Variants in DENND2A observed in about 807,000 individuals in gnomAD.
DENND2A encodes DENN domain-containing protein 2A.
In DENND2A, 53 loss-of-function variants were observed where a neutral mutation model predicts 105.3. The ratio of observed to expected loss-of-function variants is 0.50; its 90% CI spans 0.40 to 0.63. DENND2A has a LOEUF of 0.63. Among genes scored for constraint, DENND2A ranks in the 30% least tolerant of loss-of-function variants. The pLI, the probability that DENND2A is intolerant of heterozygous loss-of-function variation, is 0.00. For missense variants in DENND2A, 1,138 were observed against 1,279.6 expected (o/e 0.89, Z 1.69); for synonymous variants, 522 against 508.4 (o/e 1.03, Z -0.36).
At chr7:140,549,807 G>A (rs947203904) in intron 12 of DENND2A, among the ~76,000 whole-genome samples, 13 of 152,034 alleles carry the variant, frequency 8.6e-5, no homozygotes, top group Non-Finnish European at 1.9e-4. Flanking sequence ...TATGTTCCTA[G>A]CAGAATAATT....
intron 6 of DENND2A, among the ~76,000 whole-genome samples, chr7:140,572,699 A>G (rs970549597): frequency 1.7e-4 from 25 of 149,194 alleles, no homozygotes; most frequent in Non-Finnish European, 8.9e-5. Flanking sequence ...AGTTGCAGTA[A>G]GCCGAGATCA....
chr7:140,565,270 C>T (rs976567750), intron 9 of DENND2A, among the ~76,000 whole-genome samples: 21 of 151,830 alleles, frequency 1.4e-4, no homozygotes, highest in Non-Finnish European at 2.6e-4. Flanking sequence ...TCTGCCCTCC[C>T]TGAGGCATGA....
At chr7:140,521,483 T>C (rs1795858580) in intron 18 of DENND2A, among the ~76,000 whole-genome samples, 1 of 151,116 alleles carries the variant, frequency 6.6e-6, no homozygotes, top group Non-Finnish European at 1.5e-5. Context: ...CACCATGTTG[T>C]CCAGGCTGGT....
At chr7:140,568,647 G>A (rs930835191) in intron 8 of DENND2A, 116 bp downstream of exon 8, 14 of 1,065,892 alleles carry the variant, frequency 1.3e-5, no homozygotes, top group East Asian at 2.4e-5. Flanking sequence ...AGATGTCCAC[G>A]CCTTGCCAAG....
At chr7:140,629,034 T>C (rs1173618311) in intron 1 of DENND2A, among the ~76,000 whole-genome samples, 2 of 152,256 alleles carry the variant, frequency 1.3e-5, no homozygotes, top group African/African-American at 2.4e-5. Context: ...AAGATTGCAA[T>C]TGTTCAAAAC....
intron 1 of DENND2A, among the ~76,000 whole-genome samples, chr7:140,639,244 C>G (rs977413942): frequency 2.6e-5 from 4 of 151,780 alleles, no homozygotes; most frequent in Non-Finnish European, 4.4e-5. Flanking sequence ...CCCAGCTACT[C>G]GGGAAGCTGA....
At chr7:140,548,388 G>A (rs1393680497) in intron 12 of DENND2A, among the ~76,000 whole-genome samples, 3 of 151,634 alleles carry the variant, frequency 2.0e-5, no homozygotes, top group Non-Finnish European at 4.4e-5. Flanking sequence ...TGGGTGAGAT[G>A]GCACACACCT....
chr7:140,605,814 G>C lies in DENND2A; in HGVS notation c.-247-8C>G, dbSNP rs1340444747. On this transcript the variant is annotated splice_region_variant and splice_polypyrimidine_tract_variant and intron_variant, in intron 1 of 19. Coordinates refer to ENST00000496613, the MANE Select transcript of DENND2A (RefSeq NM_015689.5). ...AGGGGAGTTCCAGGTCACCTGGGGG[G>C]ACAGGGATGCACACCCAGTGAGCCA... 1 of 152,450 alleles carries C rather than the reference G, an allele frequency of 6.6e-6. No individual in the cohort carries two copies. Among genetic ancestry groups the C allele is most frequent in the Non-Finnish European group, 1.5e-5 (1 of 68,184 alleles). The allele number at this position is 152,450 out of a possible 1,614,324, so 9.4% of individuals were successfully genotyped here.
chr7:140,572,252 C>T (rs1396792410), intron 6 of DENND2A, among the ~76,000 whole-genome samples: 3 of 151,886 alleles, frequency 2.0e-5, no homozygotes, highest in Non-Finnish European at 2.9e-5. Flanking sequence ...AGTGATCCTC[C>T]TATCTTGGCC....
chr7:140,620,975 A>T (rs1800268246), intron 1 of DENND2A, among the ~76,000 whole-genome samples: 1 of 152,210 alleles, frequency 6.6e-6, no homozygotes, highest in Non-Finnish European at 1.5e-5. Flanking sequence ...CTCAAGTCCC[A>T]TAAAAATGGC....
Position 140,640,512 on chromosome 7 carries a change from G to T in DENND2A, c.-256C>A. ...GCCCGGCCCGGCCCTACCTCCCCGC[G>T]GGCGGCGGCTCCGCGGGCTCTGGGG... On this transcript the variant is annotated 5_prime_UTR_variant, in exon 1 of 20. Coordinates refer to ENST00000496613, the MANE Select transcript of DENND2A (RefSeq NM_015689.5). This position sits in a 1 kb window ranked among gnomAD's most constrained non-coding sequence, Gnocchi z 4.9. 1 of 149,652 alleles carries T rather than the reference G, an allele frequency of 6.7e-6. No homozygotes were observed. Among genetic ancestry groups the T allele is most frequent in the South Asian group, 2.0e-4 (1 of 4,946 alleles). The allele number at this position is 149,652 out of a possible 1,614,324, so 9.3% of individuals were successfully genotyped here.
chr7:140,526,480 C>T (rs1391214552), intron 15 of DENND2A, among the ~76,000 whole-genome samples: 5 of 152,334 alleles, frequency 3.3e-5, no homozygotes, highest in Admixed American at 6.5e-5. Flanking sequence ...ACCATAACAA[C>T]AGCTGGAAAC....
Position 140,527,209 on chromosome 7 carries a change from C to T in DENND2A, c.2505+109G>A, listed in dbSNP as rs529891596. On this transcript the variant is annotated intron_variant, in intron 15 of 19. Transcript: ENST00000496613. This position sits in a 1 kb window ranked among gnomAD's most constrained non-coding sequence, Gnocchi z 4.9. The stretch of plus-strand genomic sequence containing the variant: ...AGCCCTGGTGCCCCCACGCCCTGCT[C>T]CCCAACACTGCTGGCTCTGAGAACC... The T allele has an allele frequency of 7.1e-6, 9 of 1,274,810 alleles. No homozygotes were observed. The African/African-American group carries it at 1.3e-4, about 19-fold the overall frequency. The allele number at this position is 1,274,810 out of a possible 1,614,324, so 79.0% of individuals were successfully genotyped here.
intron 14 of DENND2A, among the ~76,000 whole-genome samples, chr7:140,530,434 A>G (rs73163301): frequency 6.6e-6 from 1 of 152,116 alleles, no homozygotes; most frequent in Non-Finnish European, 1.5e-5. Flanking sequence ...TTTGCAAATA[A>G]TCGTTCTCCT....
chr7:140,524,885 C>CTT (rs773550888), intron 16 of DENND2A, among the ~76,000 whole-genome samples: 27 of 133,024 alleles, frequency 2.0e-4, no homozygotes, highest in Admixed American at 3.0e-4. Flanking sequence ...GGCAAATATT[C>CTT]TTTTTTTTTT....
At chr7:140,567,318 G>C (rs1359376178) in intron 8 of DENND2A, 45 bp from the exon 9 acceptor site, 1 of 1,395,602 alleles carries the variant, frequency 7.2e-7, no homozygotes, top group Admixed American at 2.4e-5. Context: ...GAGAGAGAGA[G>C]AGAGAGAGAG....
intron 3 of DENND2A, among the ~76,000 whole-genome samples, chr7:140,599,351 A>G (rs1799398425): frequency 6.6e-6 from 1 of 152,130 alleles, no homozygotes; most frequent in Admixed American, 6.6e-5. Context: ...AATAATAATA[A>G]TACATTATGA....
At chr7:140,555,537 T>G (rs1797324966) in intron 12 of DENND2A, 99 bp downstream of exon 12, 3 of 981,050 alleles carry the variant, frequency 3.1e-6, no homozygotes, top group East Asian at 2.5e-5. Context: ...AGGTAGAGAA[T>G]AAGATGATAG....
intron 5 of DENND2A, among the ~76,000 whole-genome samples, chr7:140,580,686 G>T (rs1338461805): frequency 1.3e-5 from 2 of 151,926 alleles, no homozygotes; most frequent in African/African-American, 4.8e-5. Context: ...GCCCAGGCTG[G>T]AGTGTAGTGG....
Sources: allele counts gnomAD v4.1 joint callset (sites outside exome capture counted in the v4.1 genomes callset), GRCh38; gene constraint gnomAD v4.1.1; non-coding constraint Gnocchi (gnomAD v3.1); transcripts MANE v1.5; gene names NCBI Gene and HGNC (gene_info 2026-07-23, HGNC 2026-07-21).